Variants in ARHGEF10 observed in about 807,000 individuals in gnomAD.
The protein encoded by ARHGEF10 is Rho guanine nucleotide exchange factor (GEF) 10.
In ARHGEF10, 140 loss-of-function variants were observed where a neutral mutation model predicts 147.4. The ratio of observed to expected loss-of-function variants is 0.95; its 90% CI spans 0.83 to 1.09. The LOEUF (loss-of-function observed/expected upper bound fraction) is 1.09. Ranked by LOEUF, ARHGEF10 falls within the 50% of genes least tolerant of loss-of-function variation. The pLI, the probability that ARHGEF10 is intolerant of heterozygous loss-of-function variation, is 0.00. For missense variants in ARHGEF10, 2,222 were observed against 1,752.7 expected (o/e 1.27, Z -4.78); for synonymous variants, 902 against 695.8 (o/e 1.30, Z -4.67).
intron 6 of ARHGEF10, among the ~76,000 whole-genome samples, chr8:1,867,528 A>G (rs1050447530): frequency 6.6e-6 from 1 of 152,134 alleles, no homozygotes; most frequent in East Asian, 1.9e-4. Context: ...CTCTGTGTGG[A>G]TTAAAGCGAG....
chr8:1,880,256 CGGTTCTCA>C, intron 9 of ARHGEF10, 92 bp downstream of exon 9: 4 of 900,740 alleles, frequency 4.4e-6, no homozygotes, highest in Non-Finnish European at 5.5e-6. Context: ...GTCTCAACAG[CGGTTCTCA>C]AAGGGTGGTC....
intron 25 of ARHGEF10, among the ~76,000 whole-genome samples, chr8:1,933,356 T>G (rs1460457157): frequency 1.3e-5 from 2 of 152,214 alleles, no homozygotes; most frequent in African/African-American, 4.8e-5. Context: ...TCTCTGCTAT[T>G]ATTGTAAATG....
In ARHGEF10 at chr8:1,929,316, C is replaced by G; in HGVS notation, c.2952C>G (p.Ser984=). Residue 984 remains serine, a synonymous_variant, in exon 25 of 29, where the codon TCC becomes TCG. Transcript: ENST00000349830. ...CCATTTATAAAAGCAGTCAAGGCTCCAAGAAAGTGAGACTTCAGCACTTTT... is the reference window on the plus strand; with the variant it reads ...CCATTTATAAAAGCAGTCAAGGCTCGAAGAAAGTGAGACTTCAGCACTTTT... ...SISIYKSSQG[S]KKVRLQHFFT... 1 of 1,614,104 alleles carries G rather than the reference C, an allele frequency of 6.2e-7. No homozygotes were observed. Among genetic ancestry groups the G allele is most frequent in the Non-Finnish European group, 8.5e-7 (1 of 1,180,022 alleles).
chr8:1,885,910 C>A (rs531005761), intron 11 of ARHGEF10, among the ~76,000 whole-genome samples: 13 of 152,184 alleles, frequency 8.5e-5, no homozygotes, highest in Non-Finnish European at 1.9e-4. Flanking sequence ...TGGTCAGCAG[C>A]TGTGGCCTGG....
In ARHGEF10 at chr8:1,920,483, T is replaced by C. The variant is rs577422052; in HGVS notation, c.2144-2481T>C. Reference sequence around the variant, plus strand: ...GACTACAGGCGCGCATCACAATGCCTGGCTAATTTTTTTTTTAAACTCTAT... The same window carrying C: ...GACTACAGGCGCGCATCACAATGCCCGGCTAATTTTTTTTTTAAACTCTAT... On this transcript the variant is annotated intron_variant, in intron 18 of 28. Coordinates refer to ENST00000349830, the MANE Select transcript of ARHGEF10 (RefSeq NM_014629.4). Among the ~76,000 whole-genome samples the C allele has an allele frequency of 3.0e-5, 4 of 132,318 alleles. No individual in the cohort carries two copies. In the South Asian group the frequency reaches 1.0e-3, roughly 35 times the overall value. The allele number at this position is 132,318 out of a possible 152,430, so 86.8% of individuals were successfully genotyped here.
At chr8:1,889,008 C>T (rs1220976662) in intron 11 of ARHGEF10, among the ~76,000 whole-genome samples, 1 of 66,970 alleles carries the variant, frequency 1.5e-5, no homozygotes, top group African/African-American at 6.4e-5. Flanking sequence ...CAAGGAGTCA[C>T]GGAGTGCAGT....
At chr8:1,876,320 CA>C in intron 7 of ARHGEF10, 12 of 557,200 alleles carry the variant, frequency 2.2e-5, no homozygotes, top group Admixed American at 9.3e-5. Flanking sequence ...CCTCGGGGTA[CA>C]GATGGGGCAG....
In ARHGEF10 at chr8:1,894,272, C is replaced by G. The variant is rs528023568; in HGVS notation, c.1261-121C>G. 2,548 of 1,004,902 alleles carry G rather than the reference C, an allele frequency of 2.5e-3. 6 individuals are homozygous for G. The highest frequency in any genetic ancestry group is 3.1e-3 in the Non-Finnish European group (2,035 of 660,344). 62.2% of individuals were successfully genotyped at this position (1,004,902 alleles called of 1,614,324 possible). On this transcript the variant is annotated intron_variant, in intron 12 of 28. Coordinates refer to ENST00000349830, the MANE Select transcript of ARHGEF10 (RefSeq NM_014629.4). ...GGCTGAGGTGGGAGGATGGCTTGAG[C>G]CCAGGAGTTTGAGGCTGCAGTGAGC... is the stretch of plus-strand genomic sequence containing the variant.
chr8:1,858,206 T>C lies in ARHGEF10; in HGVS notation c.193+91T>C, dbSNP rs9801821. 281,865 of 998,994 alleles carry C rather than the reference T, an allele frequency of 0.28. 38,889 individuals are homozygous for C. Among genetic ancestry groups the C allele is most frequent in the South Asian group, 0.41 (23,726 of 57,294 alleles). 61.9% of individuals were successfully genotyped at this position (998,994 alleles called of 1,614,324 possible). On this transcript the variant is annotated intron_variant, in intron 3 of 28. Coordinates refer to ENST00000349830, the MANE Select transcript of ARHGEF10 (RefSeq NM_014629.4). Reference sequence around the variant, plus strand: ...TCCCCATGTGAGTCACCAGGTGAGTTCCCAGGTGAGTCCCCAGGTGAGTCC... The same window carrying C: ...TCCCCATGTGAGTCACCAGGTGAGTCCCCAGGTGAGTCCCCAGGTGAGTCC...
intron 1 of ARHGEF10, among the ~76,000 whole-genome samples, chr8:1,837,179 G>C (rs1202396546): frequency 6.6e-6 from 1 of 152,242 alleles, no homozygotes; most frequent in Non-Finnish European, 1.5e-5. Context: ...CAGGATGCCG[G>C]TGGTAGGGCA....
At chr8:1,928,344 TG>T in intron 23 of ARHGEF10, 82 bp from the exon 24 acceptor site, 1 of 1,261,022 alleles carries the variant, frequency 7.9e-7, no homozygotes, top group Non-Finnish European at 1.2e-6. Flanking sequence ...AAGCTTGTCG[TG>T]GCCTTTAAGG....
intron 1 of ARHGEF10, among the ~76,000 whole-genome samples, chr8:1,833,257 CAG>C (rs1333806935): frequency 7.1e-6 from 1 of 140,642 alleles, no homozygotes; most frequent in African/African-American, 2.7e-5. Context: ...GAGGCCGAGA[CAG>C]AGGCAGAGGC....
At chr8:1,887,918 C>T (rs973926504) in intron 11 of ARHGEF10, among the ~76,000 whole-genome samples, 17 of 137,234 alleles carry the variant, frequency 1.2e-4, no homozygotes, top group South Asian at 2.5e-4. Flanking sequence ...GAGTGGGGTG[C>T]GGGTCATCAG....
chr8:1,952,947 T>C, intron 28 of ARHGEF10, 120 bp downstream of exon 28: 1 of 1,395,088 alleles, frequency 7.2e-7, no homozygotes, highest in East Asian at 2.4e-5. Flanking sequence ...ATCTGTGGTT[T>C]TTCAGTGTAT....
At chr8:1,893,034 T>G (rs1752347914) in intron 11 of ARHGEF10, among the ~76,000 whole-genome samples, 1 of 149,174 alleles carries the variant, frequency 6.7e-6, no homozygotes, top group South Asian at 2.1e-4. Context: ...ACATGAATAA[T>G]TTACTGTCCA....
intron 7 of ARHGEF10, among the ~76,000 whole-genome samples, chr8:1,873,518 G>GTGC (rs1807335417): frequency 1.3e-5 from 1 of 76,104 alleles, no homozygotes; most frequent in African/African-American, 6.5e-5. Context: ...CGTTTGAGAG[G>GTGC]CGCCCGCGGG....
rs1489801188 is a variant in ARHGEF10, at chr8:1,894,388, C to G, written c.1261-5C>G. 5 of 1,614,038 alleles carry G rather than the reference C, an allele frequency of 3.1e-6. No individual in the cohort carries two copies. The highest frequency in any genetic ancestry group is 4.2e-6 in the Non-Finnish European group (5 of 1,179,964). On this transcript the variant is annotated splice_region_variant and splice_polypyrimidine_tract_variant and intron_variant, in intron 12 of 28. Transcript: ENST00000349830. Reference sequence around the variant, plus strand: ...TCTGAACTGTCTTTGCTCATTTTGTCTTAGCAATATGAGAAGCCGCTGTCT... The same window carrying G: ...TCTGAACTGTCTTTGCTCATTTTGTGTTAGCAATATGAGAAGCCGCTGTCT...
intron 9 of ARHGEF10, among the ~76,000 whole-genome samples, chr8:1,880,616 C>G (rs184810474): frequency 5.3e-4 from 80 of 152,222 alleles, no homozygotes; most frequent in Admixed American, 1.9e-3. Context: ...ATACATAAAA[C>G]CCTGGTAAAC....
At chr8:1,845,834 C>A (rs1188202744) in intron 2 of ARHGEF10, among the ~76,000 whole-genome samples, 1 of 152,186 alleles carries the variant, frequency 6.6e-6, no homozygotes, top group African/African-American at 2.4e-5. Flanking sequence ...TGTAGTTGTG[C>A]TAATCAGAGA....
Sources: allele counts gnomAD v4.1 joint callset (sites outside exome capture counted in the v4.1 genomes callset), GRCh38; gene constraint gnomAD v4.1.1; transcripts MANE v1.5; gene names NCBI Gene and HGNC (gene_info 2026-07-23, HGNC 2026-07-21).